DNAH6: variants seen among roughly 807,000 people sequenced by gnomAD.
The protein encoded by DNAH6 is axonemal beta dynein heavy chain 6.
A neutral mutation model predicts 491.4 loss-of-function variants in DNAH6; 340 were observed. That is an observed-to-expected ratio of 0.69 (90% confidence interval 0.63 to 0.76). DNAH6 has a LOEUF of 0.76. Ranked by LOEUF, DNAH6 falls within the 30% of genes least tolerant of loss-of-function variation. The pLI is 0.00. For synonymous variants in DNAH6, 1,603 were observed against 1,686.1 expected, an observed-to-expected ratio of 0.95 and a Z score of 1.21; for missense variants, 4,443 against 4,972.2, an observed-to-expected ratio of 0.89 and a Z score of 3.20.
chr2:84,479,043 C>T, the DNAH6 span, among the ~76,000 whole-genome samples: 1 of 152,138 alleles, frequency 6.6e-6, no homozygotes, highest in African/African-American at 2.4e-5. Context: ...ATCAGCTGTC[C>T]CCAGCTGGAC....
chr2:84,591,593 A>C (rs922039620), intron 16 of DNAH6, among the ~76,000 whole-genome samples: 1 of 152,220 alleles, frequency 6.6e-6, no homozygotes, highest in East Asian at 1.9e-4. Flanking sequence ...TTTTCTAAAG[A>C]AATATTAAAA....
Position 84,742,738 on chromosome 2 carries a change from G to A in DNAH6, c.10343-2342G>A, listed in dbSNP as rs140655262. Among the ~76,000 whole-genome samples the A allele has an allele frequency of 1.8e-3, 269 of 150,354 alleles. 2 individuals carry two copies. The highest frequency in any genetic ancestry group is 6.2e-3 in the African/African-American group (253 of 40,794). The stretch of plus-strand genomic sequence containing the variant: ...TCTCCTCTCCTTCCTTTCTTCTTCA[G>A]TTGCATCATCCACACTCTTTATTTT... On this transcript the variant is annotated intron_variant, in intron 62 of 76. Transcript: ENST00000389394.
At chr2:84,618,158 G>C (rs1165151347) in intron 23 of DNAH6, among the ~76,000 whole-genome samples, 3 of 152,154 alleles carry the variant, frequency 2.0e-5, no homozygotes, top group Non-Finnish European at 4.4e-5. Flanking sequence ...CAGGGAATTA[G>C]AAGTTTTCAC....
chr2:84,808,488 C>T lies in DNAH6; in HGVS notation c.11685C>T (p.Thr3895=). 1.3e-6 allele frequency: 2 copies of T among 1,551,566 alleles called. No homozygotes were observed. The highest frequency in any genetic ancestry group is 2.7e-5 in the African/African-American group (2 of 73,146). ...KDLQGRLNSL[T]TVLGQEVDRF... Reference sequence around the variant, plus strand: ...TTCAAGGACGTCTGAACTCCTTGACCACCGTTCTTGGACAGGAAGTGGACC... The same window carrying T: ...TTCAAGGACGTCTGAACTCCTTGACTACCGTTCTTGGACAGGAAGTGGACC... The change falls in exon 72 of 77, where the codon ACC becomes ACT. Residue 3895 remains threonine, a synonymous_variant. Transcript: ENST00000389394.
At chr2:84,654,812 T>G (rs1352819989) in intron 35 of DNAH6, 30 bp downstream of exon 35, 2 of 1,548,522 alleles carry the variant, frequency 1.3e-6, no homozygotes, top group African/African-American at 2.7e-5. Context: ...CCCCAATATC[T>G]CCATCTGTCA....
At chr2:84,543,222 G>C (rs1678441592) in intron 4 of DNAH6, among the ~76,000 whole-genome samples, 1 of 152,092 alleles carries the variant, frequency 6.6e-6, no homozygotes, top group South Asian at 2.1e-4. Context: ...ATGGACTCCA[G>C]GTTCAGAATG....
chr2:84,769,590 C>G (rs1675420157), intron 64 of DNAH6, among the ~76,000 whole-genome samples: 1 of 152,116 alleles, frequency 6.6e-6, no homozygotes, highest in African/African-American at 2.4e-5. Flanking sequence ...ATATCTTGTT[C>G]TTGGGGGATT....
chr2:84,781,591 G>A lies in DNAH6; in HGVS notation c.10802G>A (p.Cys3601Tyr). Residue 3601 changes from cysteine (C) to tyrosine (Y), a missense_variant, in exon 65 of 77, where the codon TGC becomes TAC. Physicochemically the swap from Cys to Tyr is radical, Grantham distance 194 (BLOSUM62 -2). Transcript: ENST00000389394. The stretch of plus-strand genomic sequence containing the variant: ...GGAAACTGGGTATTTTTGCAAAATT[G>A]CCATCTTGCTGTTTCTTGGATGTTG... ...KSGNWVFLQN[C>Y]HLAVSWMLAM... The A allele has an allele frequency of 1.3e-6, 2 of 1,551,774 alleles. No individual in the cohort carries two copies. The highest frequency in any genetic ancestry group is 2.4e-5 in the South Asian group (2 of 84,050).
At chr2:84,560,479 T>G (rs1680541412) in intron 11 of DNAH6, among the ~76,000 whole-genome samples, 1 of 151,788 alleles carries the variant, frequency 6.6e-6, no homozygotes, top group Non-Finnish European at 1.5e-5. Context: ...ATTATTATAC[T>G]TTAAGTTTTA....
chr2:84,711,619 T>A (rs1376271355), intron 56 of DNAH6, among the ~76,000 whole-genome samples: 1 of 152,236 alleles, frequency 6.6e-6, no homozygotes, highest in African/African-American at 2.4e-5. Flanking sequence ...CACAAGATAG[T>A]TACTATTGTT....
At chr2:84,812,740 C>T (rs914053745) in intron 73 of DNAH6, among the ~76,000 whole-genome samples, 23 of 152,200 alleles carry the variant, frequency 1.5e-4, no homozygotes, top group African/African-American at 5.3e-4. Context: ...ACTTTAATTC[C>T]AGGCATCCTT....
intron 45 of DNAH6, among the ~76,000 whole-genome samples, chr2:84,689,967 T>C (rs1694682818): frequency 6.6e-6 from 1 of 152,246 alleles, no homozygotes; most frequent in Non-Finnish European, 1.5e-5. Context: ...CAGGCAAAAT[T>C]ATCCCACATC....
chr2:84,578,470 A>T (rs1373502840), intron 13 of DNAH6, among the ~76,000 whole-genome samples: 1 of 152,152 alleles, frequency 6.6e-6, no homozygotes, highest in Non-Finnish European at 1.5e-5. Flanking sequence ...GATTGGGTCG[A>T]TATCAAGGAG....
At chr2:84,517,112 G>A (rs574292353) in intron 1 of DNAH6, among the ~76,000 whole-genome samples, 1 of 152,170 alleles carries the variant, frequency 6.6e-6, no homozygotes, top group African/African-American at 2.4e-5. Flanking sequence ...TAGGTCTGCC[G>A]ACACCTGATT....
At chr2:84,593,886 G>T in intron 16 of DNAH6, 86 bp from the exon 17 acceptor site, 1 of 644,866 alleles carries the variant, frequency 1.6e-6, no homozygotes, top group Non-Finnish European at 2.5e-6. Context: ...AGCAATCACT[G>T]TACCAAGAAT....
chr2:84,519,484 T>G (rs1366874204), intron 2 of DNAH6, among the ~76,000 whole-genome samples: 1 of 152,114 alleles, frequency 6.6e-6, no homozygotes, highest in Non-Finnish European at 1.5e-5. Flanking sequence ...GTCTAGTGAC[T>G]AATTTCACAC....
intron 40 of DNAH6, among the ~76,000 whole-genome samples, chr2:84,676,126 C>G (rs1192641985): frequency 1.3e-5 from 2 of 152,166 alleles, no homozygotes; most frequent in Non-Finnish European, 2.9e-5. Flanking sequence ...TTTGTAACTG[C>G]AAAATCAATA....
the DNAH6 span, among the ~76,000 whole-genome samples, chr2:84,466,710 T>C: frequency 6.6e-6 from 1 of 152,208 alleles, no homozygotes; most frequent in Admixed American, 6.5e-5. Context: ...TCAGAAAACC[T>C]GCATTTAAGA....
At chr2:84,775,936 A>C (rs925423241) in intron 64 of DNAH6, among the ~76,000 whole-genome samples, 1 of 152,054 alleles carries the variant, frequency 6.6e-6, no homozygotes, top group Non-Finnish European at 1.5e-5. Flanking sequence ...TGGTCTATCA[A>C]TCTTGTTTAT....
Sources: gnomAD v4.1 joint callset for allele counts (sites outside exome capture counted in the v4.1 genomes callset) on GRCh38, gnomAD v4.1.1 for gene constraint, MANE v1.5 for transcripts, NCBI Gene and HGNC (gene_info 2026-07-23, HGNC 2026-07-21) for gene names.